The following VTI1A variants were observed in gnomAD, a reference collection of about 807,000 sequenced individuals.
VTI1A encodes vesicle transport through interaction with t-SNAREs homolog 1A.
In VTI1A, 22 loss-of-function variants were observed where a neutral mutation model predicts 34.9. That is an observed-to-expected ratio of 0.63 (90% CI 0.45 to 0.90). The LOEUF (loss-of-function observed/expected upper bound fraction) is 0.90. Among genes scored for constraint, VTI1A ranks in the 40% least tolerant of loss-of-function variants. The probability of loss-of-function intolerance (pLI) is 0.00; values close to 1 mark genes in which losing one functional copy is unlikely to be tolerated. For missense variants in VTI1A, 268 were observed against 275.6 expected (o/e 0.97, Z 0.20); for synonymous variants, 87 against 97.3 (o/e 0.89, Z 0.62).
chr10:112,447,398 GAGC>G lies in VTI1A; in HGVS notation c.28_30del (p.Gln10del), dbSNP rs757521552. 1 of 1,613,664 alleles carries G rather than the reference GAGC, an allele frequency of 6.2e-7. No homozygotes were observed. The highest frequency in any genetic ancestry group is 1.1e-5 in the South Asian group (1 of 91,032). ...CATGTCGTCCGACTTCGAAGGTTAC[GAGC>G]AGGACTTCGCGGTGCTCACTGCAGA... On this transcript the variant is annotated inframe_deletion, in exon 1 of 8. Transcript: ENST00000393077.
At chr10:112,598,546 A>C (rs1844757064) in intron 5 of VTI1A, among the ~76,000 whole-genome samples, 2 of 152,220 alleles carry the variant, frequency 1.3e-5, no homozygotes, top group African/African-American at 4.8e-5. Context: ...AACCATTTGC[A>C]AAGAAGACAA....
intron 7 of VTI1A, among the ~76,000 whole-genome samples, chr10:112,719,731 A>G (rs1051181971): frequency 1.3e-5 from 2 of 152,126 alleles, no homozygotes. Context: ...TTTTTAGTAG[A>G]GACGGGGTTT....
rs762339605 is a variant in VTI1A, at chr10:112,697,865, C to CGTGTGTGTGTGT, written c.560+28867_560+28868insGTGTGTGTGTGT. 5.4e-3 allele frequency among the ~76,000 whole-genome samples: 684 copies of CGTGTGTGTGTGT among 126,194 alleles called. 9 individuals are homozygous for CGTGTGTGTGTGT. The highest frequency in any genetic ancestry group is 0.019 in the African/African-American group (618 of 33,222). 82.8% of individuals were successfully genotyped at this position (126,194 alleles called of 152,430 possible). On this transcript the variant is annotated intron_variant, in intron 7 of 7. Coordinates refer to ENST00000393077, the MANE Select transcript of VTI1A (RefSeq NM_145206.4). ...TTTTGTTTCTCTGTATTAGCATTTA[C>CGTGTGTGTGTGT]ATGTGTGTGTGTGTGTGTGTGTGTG...
At chr10:112,528,280 T>C (rs534939881) in intron 4 of VTI1A, among the ~76,000 whole-genome samples, 2 of 152,278 alleles carry the variant, frequency 1.3e-5, no homozygotes, top group Non-Finnish European at 2.9e-5. Context: ...TGCTATCTAT[T>C]ATACTATAAT....
At chr10:112,803,111 C>T (rs996564363) in intron 7 of VTI1A, among the ~76,000 whole-genome samples, 5 of 152,112 alleles carry the variant, frequency 3.3e-5, no homozygotes, top group Admixed American at 6.6e-5. Flanking sequence ...TCTTGTTGCC[C>T]AGGCTGGAGT....
chr10:112,607,993 C>T (rs1845151979), intron 5 of VTI1A, among the ~76,000 whole-genome samples: 1 of 152,158 alleles, frequency 6.6e-6, no homozygotes, highest in South Asian at 2.1e-4. Flanking sequence ...ATTGACACCT[C>T]ATCACTTCCG....
chr10:112,566,625 A>G lies in VTI1A; in HGVS notation c.427+28295A>G, dbSNP rs536864634. On this transcript the variant is annotated intron_variant, in intron 5 of 7. Coordinates refer to ENST00000393077, the MANE Select transcript of VTI1A (RefSeq NM_145206.4). Reference sequence around the variant, plus strand: ...AAGTGAGATATTTCTCTCTACTATAATAATAGTAGAGAAACTTGTGATTGA... The same window carrying G: ...AAGTGAGATATTTCTCTCTACTATAGTAATAGTAGAGAAACTTGTGATTGA... Among the ~76,000 whole-genome samples the G allele has an allele frequency of 1.6e-3, 249 of 152,246 alleles. 1 individual carries two copies. The highest frequency in any genetic ancestry group is 5.8e-3 in the African/African-American group (242 of 41,544).
At chr10:112,685,971 A>C (rs1297922665) in intron 7 of VTI1A, among the ~76,000 whole-genome samples, 1 of 152,216 alleles carries the variant, frequency 6.6e-6, no homozygotes, top group East Asian at 1.9e-4. Context: ...TGAAGACCAC[A>C]GTTCCCAGAA....
At chr10:112,466,736 A>G (rs1847908249) in intron 3 of VTI1A, among the ~76,000 whole-genome samples, 1 of 152,194 alleles carries the variant, frequency 6.6e-6, no homozygotes, top group Admixed American at 6.5e-5. Context: ...TGGGTTCTAG[A>G]AAAACAAAGG....
intron 1 of VTI1A, among the ~76,000 whole-genome samples, chr10:112,447,922 T>C (rs1257461588): frequency 1.3e-5 from 2 of 152,166 alleles, no homozygotes; most frequent in Non-Finnish European, 2.9e-5. Flanking sequence ...TAGATTCAAA[T>C]CCTACCTCTG....
chr10:112,487,425 A>G (rs1002512545), intron 3 of VTI1A, among the ~76,000 whole-genome samples: 3 of 152,170 alleles, frequency 2.0e-5, no homozygotes, highest in South Asian at 4.1e-4. Context: ...TGCCTGGCCT[A>G]ATCTTGCATT....
chr10:112,491,127 A>G (rs1341043438), intron 3 of VTI1A, among the ~76,000 whole-genome samples: 3 of 152,164 alleles, frequency 2.0e-5, no homozygotes, highest in African/African-American at 7.2e-5. Context: ...CACCAAACTC[A>G]GGAGAAGTTG....
chr10:112,801,977 G>A (rs1852893048), intron 7 of VTI1A, among the ~76,000 whole-genome samples: 1 of 152,234 alleles, frequency 6.6e-6, no homozygotes, highest in Non-Finnish European at 1.5e-5. Context: ...GCTGGGTGTG[G>A]TGGCTCACAC....
intron 5 of VTI1A, among the ~76,000 whole-genome samples, chr10:112,582,821 G>A (rs146549625): frequency 3.2e-4 from 48 of 152,040 alleles, no homozygotes; most frequent in Non-Finnish European, 5.6e-4. Context: ...TAACTCCTCT[G>A]TGAGGTCAGC....
Position 112,817,729 on chromosome 10 carries a change from C to T in VTI1A, c.*2346C>T, listed in dbSNP as rs1853565379. On this transcript the variant is annotated 3_prime_UTR_variant, in exon 8 of 8. Coordinates refer to ENST00000393077, the MANE Select transcript of VTI1A (RefSeq NM_145206.4). The stretch of plus-strand genomic sequence containing the variant: ...CCCTGCCCCACCAGGAAAGGAATAA[C>T]GTCCACAGACTTGAAGCAGATAGTG... The T allele has an allele frequency of 8.7e-6, 2 of 229,228 alleles. No individual in the cohort carries two copies. The highest frequency in any genetic ancestry group is 1.8e-4 in the South Asian group (1 of 5,500). The allele number at this position is 229,228 out of a possible 1,614,324, so 14.2% of individuals were successfully genotyped here. A position where few individuals can be genotyped will look rare whatever the true frequency, so the allele number is the denominator to read the frequency against.
chr10:112,651,939 T>C (rs1056980464), intron 5 of VTI1A, among the ~76,000 whole-genome samples: 6 of 152,208 alleles, frequency 3.9e-5, no homozygotes, highest in African/African-American at 1.4e-4. Flanking sequence ...CAGCCAGAAA[T>C]AGAAAGGAGC....
chr10:112,842,261 T>C, the VTI1A span, among the ~76,000 whole-genome samples: 2 of 152,092 alleles, frequency 1.3e-5, no homozygotes, highest in Admixed American at 1.3e-4. Flanking sequence ...GTGGCTTACA[T>C]ATTCTCATGC....
chr10:112,698,932 C>T (rs1481067525), intron 7 of VTI1A, among the ~76,000 whole-genome samples: 1 of 152,154 alleles, frequency 6.6e-6, no homozygotes, highest in Admixed American at 6.5e-5. Flanking sequence ...AAAATCCTCG[C>T]GGAGATGACC....
intron 7 of VTI1A, among the ~76,000 whole-genome samples, chr10:112,763,264 C>G (rs1012320844): frequency 6.6e-6 from 1 of 151,902 alleles, no homozygotes; most frequent in African/African-American, 2.4e-5. Context: ...CACGGTGAAA[C>G]CCTGTCTGTA....
Sources: allele counts gnomAD v4.1 joint callset (sites outside exome capture counted in the v4.1 genomes callset), GRCh38; gene constraint gnomAD v4.1.1; transcripts MANE v1.5; gene names NCBI Gene and HGNC (gene_info 2026-07-23, HGNC 2026-07-21).